The following PLD5 variants were observed in gnomAD, a reference collection of about 807,000 sequenced individuals.
PLD5 encodes the protein phospholipase D family member 5, also known as inactive phospholipase D5.
Under a neutral mutation model 61.1 loss-of-function variants are expected in PLD5, and 36 were observed. That is an observed-to-expected ratio of 0.59 (90% confidence interval 0.45 to 0.78). The LOEUF is 0.78. Among genes scored for constraint, PLD5 ranks in the 30% least tolerant of loss-of-function variants. The probability of loss-of-function intolerance (pLI) is 0.00; values close to 1 mark genes in which losing one functional copy is unlikely to be tolerated. For synonymous variants in PLD5, 243 were observed against 242.8 expected (o/e 1.00, Z -0.01); for missense variants, 515 against 644.4 (o/e 0.80, Z 2.17).
At chr1:242,443,119 G>T (rs920140786) in intron 1 of PLD5, among the ~76,000 whole-genome samples, 1 of 152,128 alleles carries the variant, frequency 6.6e-6, no homozygotes, top group Non-Finnish European at 1.5e-5. Flanking sequence ...CAAGGCTGAA[G>T]TTAGTTAAAA....
At chr1:242,383,376 T>C (rs1394693813) in intron 1 of PLD5, among the ~76,000 whole-genome samples, 3 of 152,148 alleles carry the variant, frequency 2.0e-5, no homozygotes, top group African/African-American at 7.2e-5. Flanking sequence ...TTTAAGAAGT[T>C]TGTCTATGTC....
At chr1:242,173,885 A>G (rs1364865533) in intron 5 of PLD5, among the ~76,000 whole-genome samples, 1 of 152,244 alleles carries the variant, frequency 6.6e-6, no homozygotes, top group Non-Finnish European at 1.5e-5. Context: ...TACACCTTTT[A>G]CAAAAGTTAA....
chr1:242,305,635 C>T (rs1484305508), intron 2 of PLD5, among the ~76,000 whole-genome samples: 1 of 152,126 alleles, frequency 6.6e-6, no homozygotes, highest in South Asian at 2.1e-4. Flanking sequence ...TCATGGCTCA[C>T]TGCAACCTCC....
At chr1:242,103,435 TCCA>T (rs1374392942) in intron 8 of PLD5, among the ~76,000 whole-genome samples, 2 of 152,228 alleles carry the variant, frequency 1.3e-5, no homozygotes, top group South Asian at 2.1e-4. Context: ...TTTTGAAAAC[TCCA>T]CCAAGCGTCA....
chr1:242,117,452 G>A (rs1246469390), intron 6 of PLD5, among the ~76,000 whole-genome samples: 1 of 151,688 alleles, frequency 6.6e-6, no homozygotes, highest in Admixed American at 6.6e-5. Context: ...TGCAATCTCA[G>A]CTCACTGCAA....
At chr1:242,184,343 C>T (rs1667736433) in intron 5 of PLD5, among the ~76,000 whole-genome samples, 1 of 152,164 alleles carries the variant, frequency 6.6e-6, no homozygotes, top group Admixed American at 6.5e-5. Flanking sequence ...TACCTCACTG[C>T]ACAGTTTGGA....
chr1:242,350,095 A>G (rs1346228608), intron 1 of PLD5, among the ~76,000 whole-genome samples: 5 of 152,220 alleles, frequency 3.3e-5, no homozygotes, highest in South Asian at 2.1e-4. Flanking sequence ...CCCTTCTATC[A>G]TGTGGGAATA....
At chr1:242,119,786 A>G (rs138039548) in intron 6 of PLD5, among the ~76,000 whole-genome samples, 1 of 152,334 alleles carries the variant, frequency 6.6e-6, no homozygotes, top group Non-Finnish European at 1.5e-5. Context: ...AAAATGTCCA[A>G]CATAGAGTTA....
At chr1:242,121,978 T>C in intron 6 of PLD5, among the ~76,000 whole-genome samples, 1 of 149,440 alleles carries the variant, frequency 6.7e-6, no homozygotes, top group South Asian at 2.2e-4. Flanking sequence ...CATTAGGAGA[T>C]ACACCTAATG....
At chr1:242,394,444 G>GAGTATATA (rs1304233669) in intron 1 of PLD5, among the ~76,000 whole-genome samples, 1 of 94,332 alleles carries the variant, frequency 1.1e-5, no homozygotes, top group African/African-American at 4.9e-5. Flanking sequence ...GTATATATGT[G>GAGTATATA]TGTATATGAG....
chr1:242,450,416 T>G (rs1454417052), intron 1 of PLD5, among the ~76,000 whole-genome samples: 1 of 152,202 alleles, frequency 6.6e-6, no homozygotes, highest in Non-Finnish European at 1.5e-5. Flanking sequence ...ATACATTGAT[T>G]TCCCATTACT....
At position 242,107,671 on chromosome 1, in the gene PLD5, A is replaced by T. The variant is rs765358998; in HGVS notation, c.1239T>A (p.Val413=). Residue 413 remains valine (V), a splice_region_variant and synonymous_variant, in exon 8 of 10, where the codon GTT becomes GTA. Transcript: ENST00000536534. ...ATAACACAGTCAACGTAATACTTAC[A>T]ACTTTCAAACTGCAGTTGGCTATTT... The part of the protein sequence containing the change: ...CTEIANCSLK[V]KFFDLERENA... 6 of 1,582,368 alleles carry T rather than the reference A, an allele frequency of 3.8e-6. No individual in the cohort carries two copies. The highest frequency in any genetic ancestry group is 5.1e-6 in the Non-Finnish European group (6 of 1,169,248).
intron 2 of PLD5, among the ~76,000 whole-genome samples, chr1:242,328,087 A>G (rs1211308688): frequency 2.0e-5 from 3 of 152,148 alleles, no homozygotes; most frequent in Admixed American, 6.5e-5. Flanking sequence ...AAACAAAACA[A>G]AACAAAAGCA....
chr1:242,216,210 A>C (rs1442085911), intron 5 of PLD5, among the ~76,000 whole-genome samples: 1 of 152,052 alleles, frequency 6.6e-6, no homozygotes, highest in Non-Finnish European at 1.5e-5. Flanking sequence ...GCCTTGCCCG[A>C]CAGACCTGTT....
intron 4 of PLD5, among the ~76,000 whole-genome samples, chr1:242,240,568 T>C (rs968633986): frequency 2.0e-5 from 3 of 152,144 alleles, no homozygotes; most frequent in African/African-American, 7.2e-5. Context: ...CCTTTGAAGA[T>C]ACATGGTTCT....
At chr1:242,303,009 C>T (rs4658805) in intron 2 of PLD5, among the ~76,000 whole-genome samples, 108,573 of 151,908 alleles carry the variant, frequency 0.71, 39,960 homozygotes, top group Non-Finnish European at 0.8. Context: ...AGTAGGGGAC[C>T]GAATATCAGA....
intron 3 of PLD5, among the ~76,000 whole-genome samples, chr1:242,284,016 T>C (rs1228443618): frequency 3.3e-5 from 5 of 151,438 alleles, no homozygotes; most frequent in Admixed American, 1.3e-4. Context: ...CAAGTACCTG[T>C]TTCCTTTCTC....
At chr1:242,160,727 A>C (rs775747212) in intron 5 of PLD5, among the ~76,000 whole-genome samples, 30 of 152,024 alleles carry the variant, frequency 2.0e-4, no homozygotes, top group Non-Finnish European at 3.8e-4. Context: ...TCTACTAAAA[A>C]TACAAAAACT....
intron 1 of PLD5, among the ~76,000 whole-genome samples, chr1:242,349,907 A>G (rs2149222359): frequency 6.6e-6 from 1 of 152,292 alleles, no homozygotes; most frequent in East Asian, 1.9e-4. Flanking sequence ...GCATGGTGAC[A>G]TGCACCTATA....
Sources: gnomAD v4.1 joint callset for allele counts (sites outside exome capture counted in the v4.1 genomes callset) on GRCh38, gnomAD v4.1.1 for gene constraint, MANE v1.5 for transcripts, NCBI Gene and HGNC (gene_info 2026-07-23, HGNC 2026-07-21) for gene names.